Variants in KIAA0232 observed in about 807,000 individuals in gnomAD.
The protein encoded by KIAA0232 is KIAA0232.
KIAA0232 carries 27 observed loss-of-function variants against 122.0 expected under a neutral mutation model. That is an observed-to-expected ratio of 0.22 (90% confidence interval 0.16 to 0.31). The LOEUF (loss-of-function observed/expected upper bound fraction) is 0.31, where lower values mean the gene tolerates loss of function less well. KIAA0232 is among the 10% of genes least tolerant of loss of function. The pLI is 1.00. For missense variants in KIAA0232, 1,551 were observed against 1,634.2 expected, an observed-to-expected ratio of 0.95 and a Z score of 0.88; for synonymous variants, 613 against 587.6, an observed-to-expected ratio of 1.04 and a Z score of -0.63.
chr4:6,822,106 AGT>A (rs1718452765), intron 2 of KIAA0232, among the ~76,000 whole-genome samples: 1 of 152,038 alleles, frequency 6.6e-6, no homozygotes, highest in Admixed American at 6.6e-5. Flanking sequence ...TCCAGAATTG[AGT>A]GTGTTATTTA....
chr4:6,865,665 T>C (rs1162875391), intron 7 of KIAA0232, among the ~76,000 whole-genome samples: 1 of 152,210 alleles, frequency 6.6e-6, no homozygotes, highest in East Asian at 1.9e-4. Context: ...AGAGAGCAGA[T>C]GAGTGTTGCA....
intron 2 of KIAA0232, among the ~76,000 whole-genome samples, chr4:6,820,676 TTTTG>T (rs1718381508): frequency 6.6e-6 from 1 of 152,248 alleles, no homozygotes; most frequent in Non-Finnish European, 1.5e-5. Flanking sequence ...TTTGTATTAT[TTTTG>T]TTTAAGCAAT....
intron 3 of KIAA0232, among the ~76,000 whole-genome samples, chr4:6,828,973 G>A (rs1411119902): frequency 1.3e-5 from 2 of 151,486 alleles, no homozygotes; most frequent in Admixed American, 1.3e-4. Context: ...GTTTCTCATT[G>A]CAGTTTTCTC....
intron 7 of KIAA0232, among the ~76,000 whole-genome samples, chr4:6,866,819 T>C (rs781237169): frequency 6.6e-6 from 1 of 152,238 alleles, no homozygotes; most frequent in East Asian, 1.9e-4. Flanking sequence ...AATAAGACTT[T>C]GTCCTTGCCC....
rs1037725448 is a variant in KIAA0232, at chr4:6,788,115, T to C, written c.-354+5274T>C. 3.3e-5 allele frequency among the ~76,000 whole-genome samples: 5 copies of C among 152,170 alleles called. No homozygotes were observed. The East Asian group carries it at 9.6e-4, about 29-fold the overall frequency. On this transcript the variant is annotated intron_variant, in intron 1 of 9. Coordinates refer to ENST00000307659, the MANE Select transcript of KIAA0232 (RefSeq NM_014743.3). Reference sequence around the variant, plus strand: ...GTGCAGCGGTGCCATCTTGGCTCACTGCAACTTCCACCTCCCTTCCTCCTG... The same window carrying C: ...GTGCAGCGGTGCCATCTTGGCTCACCGCAACTTCCACCTCCCTTCCTCCTG...
intron 2 of KIAA0232, among the ~76,000 whole-genome samples, chr4:6,806,737 CAAAAAAAAAA>C (rs34146483): frequency 4.2e-5 from 2 of 47,642 alleles, no homozygotes; most frequent in East Asian, 1.4e-3. Flanking sequence ...GACTCCCTCT[CAAAAAAAAAA>C]AAAAAAAAAA....
chr4:6,878,101 G>A (rs553998460), intron 9 of KIAA0232, among the ~76,000 whole-genome samples: 5 of 152,146 alleles, frequency 3.3e-5, no homozygotes, highest in Non-Finnish European at 7.3e-5. Context: ...TCAGCCGGGC[G>A]CTGTGGCTCA....
At chr4:6,877,813 C>T (rs970777838) in intron 9 of KIAA0232, among the ~76,000 whole-genome samples, 9 of 152,092 alleles carry the variant, frequency 5.9e-5, no homozygotes, top group Non-Finnish European at 1.0e-4. Context: ...TTGGCAACAC[C>T]CCCACAGACA....
chr4:6,784,352 C>G (rs1161695431), intron 1 of KIAA0232, among the ~76,000 whole-genome samples: 1 of 150,928 alleles, frequency 6.6e-6, no homozygotes, highest in African/African-American at 2.5e-5. Flanking sequence ...AATGCCCAAG[C>G]TAGATTCTTC....
At chr4:6,835,166 A>T (rs953142310) in intron 3 of KIAA0232, among the ~76,000 whole-genome samples, 1 of 152,184 alleles carries the variant, frequency 6.6e-6, no homozygotes, top group Non-Finnish European at 1.5e-5. Flanking sequence ...GAGCCTCTTC[A>T]TGTGGGTCAG....
intron 2 of KIAA0232, among the ~76,000 whole-genome samples, chr4:6,821,554 C>A (rs57520102): frequency 6.6e-6 from 1 of 151,896 alleles, no homozygotes; most frequent in East Asian, 1.9e-4. Context: ...GCCATTACTT[C>A]GTTCCTTTTT....
intron 2 of KIAA0232, among the ~76,000 whole-genome samples, chr4:6,810,953 G>A (rs946745919): frequency 5.3e-5 from 8 of 152,162 alleles, no homozygotes; most frequent in Admixed American, 1.3e-4. Flanking sequence ...AAGAAAACAA[G>A]TATTTGCACG....
chr4:6,862,164 T>A lies in KIAA0232; in HGVS notation c.1782T>A (p.Cys594Ter). ...LGNLAQFWEC[C>*]SSSSGDADGE... ...ATCTGGCTCAGTTTTGGGAGTGCTG[T>A]TCATCCAGCTCCGGTGATGCTGATG... The change falls in exon 7 of 10, where the codon TGT becomes TGA. Residue 594 changes from cysteine (C) to a stop codon, truncating the protein, a stop_gained. Transcript: ENST00000307659. LOFTEE classifies it high-confidence loss of function. The A allele has an allele frequency of 6.2e-7, 1 of 1,614,166 alleles. No individual in the cohort carries two copies. Among genetic ancestry groups the A allele is most frequent in the Non-Finnish European group, 8.5e-7 (1 of 1,180,028 alleles).
At chr4:6,850,672 CTT>C (rs373194091) in intron 4 of KIAA0232, among the ~76,000 whole-genome samples, 29 of 139,802 alleles carry the variant, frequency 2.1e-4, no homozygotes, top group Admixed American at 3.6e-4. Context: ...AAGGAACATT[CTT>C]TTTTTTTTTT....
chr4:6,797,015 C>T lies in KIAA0232; in HGVS notation c.-353-7508C>T, dbSNP rs528750691. On this transcript the variant is annotated intron_variant, in intron 1 of 9. Coordinates refer to ENST00000307659, the MANE Select transcript of KIAA0232 (RefSeq NM_014743.3). ...GGAGAGCCTTCCTCATGCAGCACGT[C>T]GACTTCTTTTTAATATGTTGGTAGC... Among the ~76,000 whole-genome samples, 21 of 152,282 alleles carry T rather than the reference C, an allele frequency of 1.4e-4. No homozygotes were observed. The South Asian group carries it at 2.7e-3, about 20-fold the overall frequency.
chr4:6,798,068 AAAAG>A (rs1028436520), intron 1 of KIAA0232, among the ~76,000 whole-genome samples: 1 of 152,082 alleles, frequency 6.6e-6, no homozygotes, highest in African/African-American at 2.4e-5. Flanking sequence ...AAAAAAAAAA[AAAAG>A]AGAGACATAA....
In KIAA0232 at chr4:6,882,641, TGTGTGTGCGCGC is replaced by T. The variant is rs1380969533; in HGVS notation, c.*1679_*1690del. The T allele has an allele frequency of 6.6e-6, 1 of 152,442 alleles. No individual in the cohort carries two copies. Among genetic ancestry groups the T allele is most frequent in the Non-Finnish European group, 1.5e-5 (1 of 68,042 alleles). The allele number at this position is 152,442 out of a possible 1,614,324, so 9.4% of individuals were successfully genotyped here. On this transcript the variant is annotated 3_prime_UTR_variant, in exon 10 of 10. Transcript: ENST00000307659. ...AGGTGGGTGGGTGTGTGTGTGTGTG[TGTGTGTGCGCGC>T]GTGCGCGCGCGCATGTGTAAGGTTT...
At position 6,813,017 on chromosome 4, in the gene KIAA0232, C is replaced by G. The variant is rs377287275; in HGVS notation, c.-270+8411C>G. Among the ~76,000 whole-genome samples, 16 of 152,220 alleles carry G rather than the reference C, an allele frequency of 1.1e-4. 1 individual carries two copies. The East Asian group carries it at 2.5e-3, about 24-fold the overall frequency. On this transcript the variant is annotated intron_variant, in intron 2 of 9. Transcript: ENST00000307659. Reference sequence around the variant, plus strand: ...GCCACATGTCTGCTGTACTTGAACACTAAAGAAACTGAACTATAGATAGTA... The same window carrying G: ...GCCACATGTCTGCTGTACTTGAACAGTAAAGAAACTGAACTATAGATAGTA...
Position 6,852,221 on chromosome 4 carries a change from G to A in KIAA0232, c.370-4943G>A, listed in dbSNP as rs544583069. On this transcript the variant is annotated intron_variant, in intron 4 of 9. Coordinates refer to ENST00000307659, the MANE Select transcript of KIAA0232 (RefSeq NM_014743.3). ...TCCGTGTTCAAGGATAGGAATCACA[G>A]CTCTCATACAGGGGCCTTGGCAGAA... is the stretch of plus-strand genomic sequence containing the variant. Among the ~76,000 whole-genome samples, 5 of 152,114 alleles carry A rather than the reference G, an allele frequency of 3.3e-5. No individual in the cohort carries two copies. The South Asian group carries it at 1.0e-3, about 32-fold the overall frequency.
Sources: allele counts gnomAD v4.1 joint callset (sites outside exome capture counted in the v4.1 genomes callset), GRCh38; gene constraint gnomAD v4.1.1; transcripts MANE v1.5; gene names NCBI Gene and HGNC (gene_info 2026-07-23, HGNC 2026-07-21).